RAB27A: variants seen among roughly 807,000 people sequenced by gnomAD.
RAB27A encodes ras-related protein Rab-27A.
RAB27A carries 17 observed loss-of-function variants against 20.8 expected under a neutral mutation model. The ratio of observed to expected loss-of-function variants is 0.82; its 90% CI spans 0.56 to 1.23. The LOEUF (loss-of-function observed/expected upper bound fraction) is 1.23, where lower values mean the gene tolerates loss of function less well. Ranked by LOEUF, RAB27A falls within the 50% of genes most tolerant of loss-of-function variation. The pLI, the probability that RAB27A is intolerant of heterozygous loss-of-function variation, is 0.00. For missense variants in RAB27A, 277 were observed against 266.7 expected (o/e 1.04, Z -0.27); for synonymous variants, 85 against 92.8 (o/e 0.92, Z 0.48).
At chr15:55,283,754 T>C (rs1295446471) in intron 1 of RAB27A, among the ~76,000 whole-genome samples, 1 of 152,216 alleles carries the variant, frequency 6.6e-6, no homozygotes, top group Non-Finnish European at 1.5e-5. Context: ...GTTTTGTAAA[T>C]GAACATTTAA....
intron 2 of RAB27A, among the ~76,000 whole-genome samples, chr15:55,266,228 T>G (rs1897478584): frequency 6.6e-6 from 1 of 152,118 alleles, no homozygotes. Flanking sequence ...GAGAATACAG[T>G]GAAAAGTCAA....
At chr15:55,213,376 A>G (rs1237111248) in intron 6 of RAB27A, among the ~76,000 whole-genome samples, 1 of 152,138 alleles carries the variant, frequency 6.6e-6, no homozygotes, top group Non-Finnish European at 1.5e-5. Context: ...AGAGCTTGGT[A>G]AAGTTTTCTT....
At chr15:55,253,174 G>A (rs1007243587) in intron 2 of RAB27A, among the ~76,000 whole-genome samples, 8 of 149,354 alleles carry the variant, frequency 5.4e-5, no homozygotes, top group East Asian at 4.0e-4. Context: ...ATGGCCAGGC[G>A]TGGTGGCTCA....
chr15:55,283,373 T>C (rs10604164), intron 1 of RAB27A, among the ~76,000 whole-genome samples: 1 of 124,176 alleles, frequency 8.1e-6, no homozygotes, highest in African/African-American at 3.6e-5. Flanking sequence ...ACCGACCGAC[T>C]GATTCCTGAC....
intron 2 of RAB27A, among the ~76,000 whole-genome samples, chr15:55,305,151 C>T: frequency 6.6e-6 from 1 of 152,202 alleles, no homozygotes; most frequent in East Asian, 1.9e-4. Flanking sequence ...GTCACCTTCC[C>T]AGCTAGGCTT....
chr15:55,288,712 T>C lies in RAB27A; in HGVS notation c.-143+1004A>G, dbSNP rs528652234. The C allele has an allele frequency of 2.0e-4, 30 of 151,604 alleles. No individual in the cohort carries two copies. In the East Asian group the frequency reaches 5.2e-3, roughly 26 times the overall value. 9.4% of individuals were successfully genotyped at this position (151,604 alleles called of 1,614,324 possible). ...CAACATAAAATACAGAAAATAATGA[T>C]CCTCAGTCAAGTTCCTTCAGCATTA... is the stretch of plus-strand genomic sequence containing the variant. On this transcript the variant is annotated intron_variant, in intron 1 of 6. Transcript: ENST00000336787.
intron 6 of RAB27A, among the ~76,000 whole-genome samples, chr15:55,210,107 C>T (rs1373290276): frequency 3.6e-5 from 5 of 137,446 alleles, no homozygotes; most frequent in African/African-American, 8.6e-5. Context: ...TGTATATATA[C>T]ACACATACAC....
chr15:55,253,919 G>GA (rs1896988855), intron 2 of RAB27A, among the ~76,000 whole-genome samples: 1 of 152,184 alleles, frequency 6.6e-6, no homozygotes, highest in South Asian at 2.1e-4. Context: ...TTATAACATG[G>GA]ATAATTGATA....
rs1216541391 is a variant in RAB27A at position 55,209,840 on chromosome 15, G to GTATA, written c.468-4136_468-4135insTATA. Among the ~76,000 whole-genome samples the GTATA allele has an allele frequency of 2.9e-5, 3 of 101,816 alleles. No homozygotes were observed. The East Asian group carries it at 7.3e-4, about 25-fold the overall frequency. 66.8% of individuals were successfully genotyped at this position (101,816 alleles called of 152,430 possible). A position where few individuals can be genotyped will look rare whatever the true frequency, so the allele number is the denominator to read the frequency against. On this transcript the variant is annotated intron_variant, in intron 6 of 6. Coordinates refer to ENST00000336787, the MANE Select transcript of RAB27A (RefSeq NM_183235.3). Reference sequence around the variant, plus strand: ...TGTGTGTATATATACATATATGTGTGTACACATATATGTGTGTATATACAT... The same window carrying GTATA: ...TGTGTGTATATATACATATATGTGTGTATATACACATATATGTGTGTATATACAT...
At chr15:55,249,017 A>G (rs561069577) in intron 2 of RAB27A, 3 of 152,178 alleles carry the variant, frequency 2.0e-5, no homozygotes, top group South Asian at 4.1e-4. Flanking sequence ...TATTTCACCT[A>G]TTATTCAGTA....
intron 2 of RAB27A, among the ~76,000 whole-genome samples, chr15:55,252,741 G>C (rs1261488603): frequency 6.6e-6 from 1 of 152,124 alleles, no homozygotes; most frequent in African/African-American, 2.4e-5. Context: ...AAGACCCATA[G>C]TAGTTGTTGC....
intron 2 of RAB27A, among the ~76,000 whole-genome samples, chr15:55,302,216 A>AAAC (rs1048398124): frequency 6.6e-6 from 1 of 151,600 alleles, no homozygotes; most frequent in South Asian, 2.1e-4. Context: ...CTCATCTCAA[A>AAAC]AACAACAACA....
At chr15:55,248,650 G>T (rs894400846) in intron 2 of RAB27A, among the ~76,000 whole-genome samples, 1 of 152,150 alleles carries the variant, frequency 6.6e-6, no homozygotes, top group Non-Finnish European at 1.5e-5. Flanking sequence ...TAGATCACGT[G>T]TTTAAAATAT....
At chr15:55,209,913 T>TATACACACATGTGTGTATATAC (rs1491472346) in intron 6 of RAB27A, among the ~76,000 whole-genome samples, 1 of 82,632 alleles carries the variant, frequency 1.2e-5, no homozygotes, top group Admixed American at 9.5e-5. Flanking sequence ...TGTGTGTGTA[T>TATACACACATGTGTGTATATAC]GTATATACAC....
At chr15:55,253,504 T>C (rs1896972889) in intron 2 of RAB27A, among the ~76,000 whole-genome samples, 3 of 151,602 alleles carry the variant, frequency 2.0e-5, no homozygotes, top group Admixed American at 1.3e-4. Context: ...CTTCACTAAG[T>C]TTCGTTTTCC....
chr15:55,271,219 C>T (rs984494703), intron 1 of RAB27A, among the ~76,000 whole-genome samples: 2 of 152,210 alleles, frequency 1.3e-5, no homozygotes, highest in African/African-American at 4.8e-5. Flanking sequence ...ATCCCTGCTC[C>T]TTAAGCTTCT....
chr15:55,291,467 C>T (rs1465189163), upstream of RAB27A, among the ~76,000 whole-genome samples: 1 of 125,450 alleles, frequency 8.0e-6, no homozygotes, highest in African/African-American at 3.0e-5. Flanking sequence ...GCCGAGATGG[C>T]GCCACTGCAC....
chr15:55,299,950 A>T (rs554043429), intron 2 of RAB27A, among the ~76,000 whole-genome samples: 1 of 151,530 alleles, frequency 6.6e-6, no homozygotes, highest in South Asian at 2.1e-4. Flanking sequence ...CCTCCCAAGC[A>T]GCTGGGACTA....
At chr15:55,294,070 G>T (rs1440393104), upstream of RAB27A, among the ~76,000 whole-genome samples, 1 of 151,802 alleles carries the variant, frequency 6.6e-6, no homozygotes, top group Admixed American at 6.6e-5. Flanking sequence ...AATTGCAAAG[G>T]ACCCAAAAAT....
Sources: gnomAD v4.1 joint callset for allele counts (sites outside exome capture counted in the v4.1 genomes callset) on GRCh38, gnomAD v4.1.1 for gene constraint, MANE v1.5 for transcripts, NCBI Gene and HGNC (gene_info 2026-07-23, HGNC 2026-07-21) for gene names.